The following PTGES3 variants were observed in gnomAD, a reference collection of about 807,000 sequenced individuals.
PTGES3 encodes Hsp90 co-chaperone.
Under a neutral mutation model 29.9 loss-of-function variants are expected in PTGES3, and 5 were observed. The ratio of observed to expected loss-of-function variants is 0.17; its 90% CI spans 0.09 to 0.35. The LOEUF is 0.35. Among genes scored for constraint, PTGES3 ranks in the 10% least tolerant of loss-of-function variants. PTGES3 has a pLI of 1.00. For missense variants in PTGES3, 128 were observed against 190.0 expected (o/e 0.67, Z 1.92); for synonymous variants, 49 against 57.8 (o/e 0.85, Z 0.69).
chr12:56,674,010 T>A (rs1952117590), intron 1 of PTGES3, among the ~76,000 whole-genome samples: 1 of 152,026 alleles, frequency 6.6e-6, no homozygotes. Flanking sequence ...AGAGCTTCAC[T>A]TTTTACATTA....
chr12:56,681,543 A>T (rs1284410893), intron 1 of PTGES3, among the ~76,000 whole-genome samples: 2 of 142,290 alleles, frequency 1.4e-5, no homozygotes, highest in African/African-American at 2.6e-5. Context: ...ATCTCAAAAA[A>T]AAAAAAAAAA....
intron 6 of PTGES3, 199 bp from the exon 7 acceptor site, chr12:56,664,999 C>T: frequency 4.1e-6 from 4 of 985,328 alleles, no homozygotes; most frequent in Non-Finnish European, 4.8e-6. Context: ...ATTTATCTAC[C>T]TATAAAAAAT....
chr12:56,665,563 T>TG (rs1430107088), intron 6 of PTGES3: 1 of 985,380 alleles, frequency 1.0e-6, no homozygotes, highest in Middle Eastern at 5.2e-4. Flanking sequence ...AATGTCCATC[T>TG]GTTTTATCGG....
chr12:56,664,433 G>T lies in PTGES3; in HGVS notation c.*46C>A. ...ATTCTCTCAATTATGAAATCTTGCAGAGAAGTTATTTTTCTTTCTCAAAAT... is the reference window on the plus strand; with the variant it reads ...ATTCTCTCAATTATGAAATCTTGCATAGAAGTTATTTTTCTTTCTCAAAAT... On this transcript the variant is annotated 3_prime_UTR_variant, in exon 8 of 8. Coordinates refer to ENST00000262033, the MANE Select transcript of PTGES3 (RefSeq NM_006601.7). 1 of 1,595,570 alleles carries T rather than the reference G, an allele frequency of 6.3e-7. No homozygotes were observed. Among genetic ancestry groups the T allele is most frequent in the South Asian group, 1.1e-5 (1 of 88,116 alleles).
chr12:56,687,805 A>G (rs1384138805), intron 1 of PTGES3, 193 bp downstream of exon 1: 2 of 1,433,850 alleles, frequency 1.4e-6, no homozygotes, highest in Admixed American at 5.4e-5. Context: ...GGGGTGGGGG[A>G]AGCAGACATC....
chr12:56,681,200 G>C (rs1253064271), intron 1 of PTGES3, among the ~76,000 whole-genome samples: 4 of 152,034 alleles, frequency 2.6e-5, no homozygotes, highest in Non-Finnish European at 4.4e-5. Context: ...TCCTATTTCG[G>C]ACAGCCCCTT....
At chr12:56,669,426 G>A (rs1478347319) in intron 5 of PTGES3, among the ~76,000 whole-genome samples, 4 of 152,036 alleles carry the variant, frequency 2.6e-5, no homozygotes, top group Admixed American at 2.0e-4. Context: ...TGAGATTACA[G>A]GCGCCCGCCA....
At position 56,664,765 on chromosome 12, in the gene PTGES3, T is replaced by G; in HGVS notation, c.463+11A>C. On this transcript the variant is annotated intron_variant, in intron 7 of 7. Coordinates refer to ENST00000262033, the MANE Select transcript of PTGES3 (RefSeq NM_006601.7). ...TATCACTGTATAAACATACTTTTTA[T>G]ATACACTTACTTTCATCATCACTGT... 2 of 1,593,140 alleles carry G rather than the reference T, an allele frequency of 1.3e-6. No individual in the cohort carries two copies. Among genetic ancestry groups the G allele is most frequent in the Non-Finnish European group, 1.7e-6 (2 of 1,165,512 alleles).
rs1952065144 is a variant in PTGES3 at position 56,672,943 on chromosome 12, T to C, written c.116+9A>G. 1.9e-6 allele frequency: 3 copies of C among 1,591,058 alleles called. No individual in the cohort carries two copies. Among genetic ancestry groups the C allele is most frequent in the Non-Finnish European group, 2.6e-6 (3 of 1,169,576 alleles). On this transcript the variant is annotated intron_variant, in intron 2 of 7. Transcript: ENST00000262033. Reference sequence around the variant, plus strand: ...TATTTTACATCATTGGATAAAAAGCTTAACTTACCTGAATGTAAGTTTGGA... The same window carrying C: ...TATTTTACATCATTGGATAAAAAGCCTAACTTACCTGAATGTAAGTTTGGA...
At chr12:56,679,448 T>C (rs1182833309) in intron 1 of PTGES3, among the ~76,000 whole-genome samples, 1 of 143,652 alleles carries the variant, frequency 7.0e-6, no homozygotes, top group Admixed American at 7.0e-5. Context: ...AATGTCCGCC[T>C]GTGGGGTTTA....
intron 1 of PTGES3, among the ~76,000 whole-genome samples, chr12:56,685,709 C>G (rs1452876963): frequency 6.7e-6 from 1 of 149,490 alleles, no homozygotes; most frequent in Non-Finnish European, 1.5e-5. Context: ...ATGAAAGTAG[C>G]ATTTTTATTT....
At chr12:56,675,699 T>C (rs1952208745) in intron 1 of PTGES3, among the ~76,000 whole-genome samples, 1 of 151,958 alleles carries the variant, frequency 6.6e-6, no homozygotes, top group Non-Finnish European at 1.5e-5. Flanking sequence ...GATGGGTGCA[T>C]CACCTAAGGT....
intron 4 of PTGES3, among the ~76,000 whole-genome samples, 163 bp downstream of exon 4, chr12:56,671,586 T>C (rs1952008790): frequency 6.6e-6 from 1 of 152,220 alleles, no homozygotes; most frequent in Non-Finnish European, 1.5e-5. Flanking sequence ...GATATTCTGA[T>C]CACACTTCGT....
chr12:56,666,408 G>T, intron 5 of PTGES3, 142 bp from the exon 6 acceptor site: 1 of 1,050,550 alleles, frequency 9.5e-7, no homozygotes, highest in Non-Finnish European at 1.3e-6. Flanking sequence ...TTTCCCTTCT[G>T]GAAAAGGAAG....
intron 1 of PTGES3, chr12:56,687,480 T>C: frequency 4.0e-6 from 4 of 991,110 alleles, no homozygotes; most frequent in South Asian, 4.5e-5. Context: ...GGCTTCCTTC[T>C]AGTTGCCTAG....
intron 1 of PTGES3, among the ~76,000 whole-genome samples, chr12:56,674,195 G>C (rs1318515900): frequency 6.6e-6 from 1 of 152,164 alleles, no homozygotes; most frequent in South Asian, 2.1e-4. Context: ...TCTTAGGATA[G>C]ACCCTAATCC....
At chr12:56,664,976 T>C in intron 6 of PTGES3, 176 bp from the exon 7 acceptor site, 1 of 985,428 alleles carries the variant, frequency 1.0e-6, no homozygotes, top group Non-Finnish European at 1.2e-6. Flanking sequence ...GGTGAATGGA[T>C]GTACAGCAGA....
At chr12:56,670,038 A>G (rs1951943249) in intron 5 of PTGES3, among the ~76,000 whole-genome samples, 1 of 151,864 alleles carries the variant, frequency 6.6e-6, no homozygotes, top group South Asian at 2.1e-4. Flanking sequence ...GTCTTAATGC[A>G]TTAACTTTTG....
chr12:56,664,848 C>T (rs780240367), intron 6 of PTGES3, 48 bp from the exon 7 acceptor site: 23 of 1,588,338 alleles, frequency 1.4e-5, no homozygotes, highest in Admixed American at 3.8e-5. Flanking sequence ...TATTCGTTTG[C>T]TAACTGAACA....
Sources: allele counts gnomAD v4.1 joint callset (sites outside exome capture counted in the v4.1 genomes callset), GRCh38; gene constraint gnomAD v4.1.1; transcripts MANE v1.5; gene names NCBI Gene and HGNC (gene_info 2026-07-23, HGNC 2026-07-21).